Variants in PARD6G observed in about 807,000 individuals in gnomAD.
PARD6G encodes the protein par-6 family cell polarity regulator gamma, also known as partitioning defective 6 homolog gamma.
A neutral mutation model predicts 10.7 loss-of-function variants in PARD6G; 7 were observed. The observed-to-expected ratio is 0.66, with a 90% CI of 0.37 to 1.23. PARD6G has a LOEUF of 1.23. Among genes scored for constraint, PARD6G ranks in the 50% most tolerant of loss-of-function variants. The pLI is 0.02. For synonymous variants in PARD6G, 287 were observed against 269.4 expected (o/e 1.07, Z -0.64); for missense variants, 548 against 571.8 (o/e 0.96, Z 0.42).
At chr18:80,210,586 G>C (rs919843909) in intron 1 of PARD6G, among the ~76,000 whole-genome samples, 56 of 152,104 alleles carry the variant, frequency 3.7e-4, no homozygotes, top group African/African-American at 1.3e-3. Flanking sequence ...TGTCCCCAGG[G>C]CATTTGCTGA....
At position 80,159,959 on chromosome 18, in the gene PARD6G, T is replaced by C; in HGVS notation, c.943A>G (p.Thr315Ala). 2 of 1,490,456 alleles carry C rather than the reference T, an allele frequency of 1.3e-6. No individual in the cohort carries two copies. Among genetic ancestry groups the C allele is most frequent in the Non-Finnish European group, 1.8e-6 (2 of 1,130,702 alleles). 92.3% of individuals were successfully genotyped at this position (1,490,456 alleles called of 1,614,324 possible). A position where few individuals can be genotyped will look rare whatever the true frequency, so the allele number is the denominator to read the frequency against. ...GTLEPARPPQ[T>A]PGAPAGSLSR... ...AGGCTGCCTGCGGGCGCGCCCGGGG[T>C]CTGGGGGGGACGTGCAGGCTCCAGT... The change falls in exon 3 of 3, where the codon ACC becomes GCC. Residue 315 changes from threonine to alanine, a missense_variant. This residue lies in a region of PARD6G where 313 missense variants were observed against 279.9 expected (regional missense o/e 1.12). Transcript: ENST00000353265.
chr18:80,165,702 C>G (rs2052731242), intron 2 of PARD6G, among the ~76,000 whole-genome samples: 1 of 152,070 alleles, frequency 6.6e-6, no homozygotes, highest in East Asian at 1.9e-4. Context: ...ATGGATATGT[C>G]TTTGCCTCTA....
chr18:80,196,890 T>TAA (rs572719232), intron 2 of PARD6G, among the ~76,000 whole-genome samples: 3 of 88,028 alleles, frequency 3.4e-5, no homozygotes, highest in Non-Finnish European at 6.2e-5. Context: ...TTTCTTTTAT[T>TAA]AAAAAAAAAA....
intron 2 of PARD6G, among the ~76,000 whole-genome samples, chr18:80,163,109 C>T (rs2052711584): frequency 6.6e-6 from 1 of 152,150 alleles, no homozygotes; most frequent in Non-Finnish European, 1.5e-5. Flanking sequence ...GATGACAAAT[C>T]TATGCACTTT....
intron 1 of PARD6G, among the ~76,000 whole-genome samples, chr18:80,229,061 C>T (rs541364108): frequency 6.6e-6 from 1 of 152,240 alleles, no homozygotes; most frequent in South Asian, 2.1e-4. Context: ...GCCTCAGCCT[C>T]CCGAGTAGCT....
At chr18:80,197,115 C>A (rs182529581) in intron 2 of PARD6G, among the ~76,000 whole-genome samples, 1 of 152,222 alleles carries the variant, frequency 6.6e-6, no homozygotes, top group East Asian at 1.9e-4. Flanking sequence ...AGCCCCTAGG[C>A]GGTGTCCGAG....
chr18:80,217,977 C>T (rs1336407262), intron 1 of PARD6G, among the ~76,000 whole-genome samples: 1 of 152,290 alleles, frequency 6.6e-6, no homozygotes, highest in South Asian at 2.1e-4. Flanking sequence ...AGAATTCACT[C>T]ACTATCACAA....
rs924822961 is a variant in PARD6G at position 80,201,103 on chromosome 18, C to T, written c.295+1607G>A. On this transcript the variant is annotated intron_variant, in intron 2 of 2. Coordinates refer to ENST00000353265, the MANE Select transcript of PARD6G (RefSeq NM_032510.4). The surrounding 1 kb of genome is among the most constrained non-coding windows in gnomAD (Gnocchi z 5.9). Reference sequence around the variant, plus strand: ...CACACCCCCACCCTACGCTCCTGGTCGGGTGGAGACAGACGGCAAACCAGC... The same window carrying T: ...CACACCCCCACCCTACGCTCCTGGTTGGGTGGAGACAGACGGCAAACCAGC... 9.9e-5 allele frequency among the ~76,000 whole-genome samples: 15 copies of T among 152,062 alleles called. No individual in the cohort carries two copies. Among genetic ancestry groups the T allele is most frequent in the African/African-American group, 3.1e-4 (13 of 41,386 alleles).
chr18:80,166,796 C>T (rs1040902692), intron 2 of PARD6G, among the ~76,000 whole-genome samples: 2 of 151,718 alleles, frequency 1.3e-5, no homozygotes, highest in African/African-American at 4.9e-5. Context: ...GGTCCTCCCC[C>T]GACCATAAGG....
chr18:80,180,916 G>C lies in PARD6G; in HGVS notation c.296-20310C>G, dbSNP rs919259529. On this transcript the variant is annotated intron_variant, in intron 2 of 2. Coordinates refer to ENST00000353265, the MANE Select transcript of PARD6G (RefSeq NM_032510.4). The surrounding 1 kb of genome is among the most constrained non-coding windows in gnomAD (Gnocchi z 5.6). ...TCTAGACAGCAGAGGCCGGGGCACC[G>C]ATAGCTCTCCACATGCAGATGCCCC... 6.6e-6 allele frequency among the ~76,000 whole-genome samples: 1 copy of C among 152,162 alleles called. No individual in the cohort carries two copies. The highest frequency in any genetic ancestry group is 1.5e-5 in the Non-Finnish European group (1 of 68,026).
At chr18:80,165,518 G>A (rs941358179) in intron 2 of PARD6G, among the ~76,000 whole-genome samples, 12 of 151,796 alleles carry the variant, frequency 7.9e-5, no homozygotes, top group Admixed American at 2.6e-4. Context: ...TGGTCCTGAG[G>A]TGACGTATAT....
At chr18:80,220,631 G>A (rs2145293927) in intron 1 of PARD6G, among the ~76,000 whole-genome samples, 1 of 151,502 alleles carries the variant, frequency 6.6e-6, no homozygotes, top group African/African-American at 2.4e-5. Flanking sequence ...TTATTTTTGA[G>A]ACAAAATCTC....
chr18:80,233,060 C>T lies in PARD6G; in HGVS notation c.72+14217G>A, dbSNP rs140226888. On this transcript the variant is annotated intron_variant, in intron 1 of 2. Transcript: ENST00000353265. ...CCCTCAAGGGACAGAGCTCCACACA[C>T]GCAGGGACCCCAGCTGCTCATCTCC... 2.5e-3 allele frequency among the ~76,000 whole-genome samples: 381 copies of T among 151,584 alleles called. 3 individuals are homozygous for T. The highest frequency in any genetic ancestry group is 8.6e-3 in the African/African-American group (356 of 41,296).
At chr18:80,190,167 C>G (rs1966884883) in intron 2 of PARD6G, among the ~76,000 whole-genome samples, 1 of 152,218 alleles carries the variant, frequency 6.6e-6, no homozygotes, top group Non-Finnish European at 1.5e-5. Flanking sequence ...ATACACCATT[C>G]TACCCCATGT....
intron 1 of PARD6G, among the ~76,000 whole-genome samples, chr18:80,208,088 G>A (rs1014395955): frequency 6.6e-6 from 1 of 152,068 alleles, no homozygotes; most frequent in Non-Finnish European, 1.5e-5. Flanking sequence ...AGATTTCACT[G>A]TATCAAATCA....
chr18:80,162,302 C>CTG (rs1422131371), intron 2 of PARD6G: 1 of 152,462 alleles, frequency 6.6e-6, no homozygotes, highest in Non-Finnish European at 1.5e-5. Context: ...CCTGTTTACC[C>CTG]TGACGTGATT....
Position 80,228,227 on chromosome 18 carries a change from G to GGGGGAGACGGCAGCGAGC in PARD6G, c.72+19032_72+19049dup, listed in dbSNP as rs1196221696. Among the ~76,000 whole-genome samples, 2 of 152,080 alleles carry GGGGGAGACGGCAGCGAGC rather than the reference G, an allele frequency of 1.3e-5. No individual in the cohort carries two copies. Among genetic ancestry groups the GGGGGAGACGGCAGCGAGC allele is most frequent in the Admixed American group, 1.3e-4 (2 of 15,252 alleles). Reference sequence around the variant, plus strand: ...TGGTGCTCAGGAAGTCACATCCCACGGGGGAGACGGCAGCGAGCAGAGAGA... The same window carrying GGGGGAGACGGCAGCGAGC: ...TGGTGCTCAGGAAGTCACATCCCACGGGGGAGACGGCAGCGAGCGGGGAGACGGCAGCGAGCAGAGAGA... On this transcript the variant is annotated intron_variant, in intron 1 of 2. Transcript: ENST00000353265. The surrounding 1 kb of genome is among the most constrained non-coding windows in gnomAD (Gnocchi z 4.6).
In PARD6G at chr18:80,160,052, C is replaced by T. The variant is rs764100236; in HGVS notation, c.850G>A (p.Val284Ile). 106 of 1,547,532 alleles carry T rather than the reference C, an allele frequency of 6.8e-5. 1 individual carries two copies. In the South Asian group the frequency reaches 9.0e-4, roughly 13 times the overall value. Residue 284 changes from valine to isoleucine, a missense_variant, in exon 3 of 3, where the codon GTC (valine) becomes ATC (isoleucine). Physicochemically the swap from Val to Ile is conservative, Grantham distance 29. Transcript: ENST00000353265. ...TCGTCGGGGTGGAAGTTCTGCAGGA[C>T]GCGCGGGGCGGGGGGACCCACGAAG... ...AGFVGPPAPR[V>I]LQNFHPDEAE...
At position 80,160,567 on chromosome 18, in the gene PARD6G, C is replaced by G; in HGVS notation, c.335G>C (p.Cys112Ser). ...CGCGCCCAGCGCCCGCCTCCGCCTG[C>G]ACAGCGAGCCCGCGCCGAGGCTGCC... is the stretch of plus-strand genomic sequence containing the variant. ...ERGSLGAGSL[C>S]RRRRALGALR... The change falls in exon 3 of 3, where the codon TGC (cysteine) becomes TCC (serine). Residue 112 changes from cysteine (C) to serine (S), a missense_variant. By Grantham distance (112) the Cys-to-Ser change is moderately radical. Around this residue, in one of 2 missense-constraint regions of PARD6G, gnomAD observed 235 missense variants for 291.9 expected, o/e 0.81. Coordinates refer to ENST00000353265, the MANE Select transcript of PARD6G (RefSeq NM_032510.4). 1.4e-6 allele frequency: 2 copies of G among 1,468,762 alleles called. No homozygotes were observed. Among genetic ancestry groups the G allele is most frequent in the Middle Eastern group, 1.8e-4 (1 of 5,468 alleles). 91.0% of individuals were successfully genotyped at this position (1,468,762 alleles called of 1,614,324 possible).
Sources: gnomAD v4.1 joint callset for allele counts (sites outside exome capture counted in the v4.1 genomes callset) on GRCh38, gnomAD v4.1.1 for gene constraint, gnomAD v4.1.1 regional missense constraint, Gnocchi (gnomAD v3.1) non-coding constraint, MANE v1.5 for transcripts, NCBI Gene and HGNC (gene_info 2026-07-23, HGNC 2026-07-21) for gene names.